Variants in SH3TC2 observed in about 807,000 individuals in gnomAD.
The protein encoded by SH3TC2 is SH3 domain and tetratricopeptide repeat-containing protein 2.
SH3TC2 carries 87 observed loss-of-function variants against 124.5 expected under a neutral mutation model. The ratio of observed to expected loss-of-function variants is 0.70; its 90% CI spans 0.59 to 0.84. The LOEUF is 0.84. SH3TC2 is among the 40% of genes least tolerant of loss of function. The probability of loss-of-function intolerance (pLI) is 0.00; values close to 1 mark genes in which losing one functional copy is unlikely to be tolerated. For synonymous variants in SH3TC2, 634 were observed against 628.5 expected (o/e 1.01, Z -0.13); for missense variants, 1,536 against 1,566.4 (o/e 0.98, Z 0.33).
In SH3TC2 at chr5:149,003,008, G is replaced by C. The variant is rs1411023933; in HGVS notation, c.*1703C>G. The C allele has an allele frequency of 6.5e-6, 1 of 152,788 alleles. No homozygotes were observed. Among genetic ancestry groups the C allele is most frequent in the Non-Finnish European group, 1.5e-5 (1 of 68,042 alleles). 9.5% of individuals were successfully genotyped at this position (152,788 alleles called of 1,614,324 possible). On this transcript the variant is annotated 3_prime_UTR_variant, in exon 17 of 17. Transcript: ENST00000515425. ...AGATTCTGATTCAGAGATCATAGGT[G>C]GGGCCACAGATTTTCATTTCAAACA...
rs577017807 is a variant in SH3TC2, at chr5:148,995,888, G to T, written c.*8823C>A. On this transcript the variant is annotated 3_prime_UTR_variant, in exon 17 of 17. Coordinates refer to ENST00000515425, the MANE Select transcript of SH3TC2 (RefSeq NM_024577.4). ...CTATGATAAGTGCTTTGAAGGAAAA[G>T]TACAGGGACAAATGAGCACAAGCAA... is the stretch of plus-strand genomic sequence containing the variant. Among the ~76,000 whole-genome samples, 3 of 152,056 alleles carry T rather than the reference G, an allele frequency of 2.0e-5. No homozygotes were observed. The highest frequency in any genetic ancestry group is 4.4e-5 in the Non-Finnish European group (3 of 68,000).
At chr5:149,039,883 C>A (rs1026270233) in intron 7 of SH3TC2, among the ~76,000 whole-genome samples, 1 of 142,452 alleles carries the variant, frequency 7.0e-6, no homozygotes, top group Admixed American at 6.8e-5. Context: ...TTCCATAATC[C>A]TATTTCTTTT....
chr5:149,021,240 A>C (rs1462564995), intron 12 of SH3TC2, among the ~76,000 whole-genome samples: 1 of 152,172 alleles, frequency 6.6e-6, no homozygotes, highest in Non-Finnish European at 1.5e-5. Flanking sequence ...GAGATGAATG[A>C]AAATAAACAC....
chr5:149,058,705 A>G (rs933711792), intron 1 of SH3TC2, among the ~76,000 whole-genome samples: 5 of 152,040 alleles, frequency 3.3e-5, no homozygotes, highest in African/African-American at 1.2e-4. Flanking sequence ...GGGATGCTAG[A>G]AGCCAGCCTG....
In SH3TC2 at chr5:149,000,488, C is replaced by T. The variant is rs1356514225; in HGVS notation, c.*4223G>A. Among the ~76,000 whole-genome samples the T allele has an allele frequency of 6.6e-6, 1 of 152,156 alleles. No homozygotes were observed. On this transcript the variant is annotated 3_prime_UTR_variant, in exon 17 of 17. Transcript: ENST00000515425. ...TTTTCATTGTATTTGCCATTATTTA[C>T]ATAATTCTGTTTATGGAAAACAATA...
chr5:149,008,745 G>A lies in SH3TC2; in HGVS notation c.3478+106C>T, dbSNP rs1753732946. ...TCTCTGACAGTTGGACCTGGGATTT[G>A]AACCCACACAGTCTGACTCCAGGGC... On this transcript the variant is annotated intron_variant, in intron 15 of 16. Coordinates refer to ENST00000515425, the MANE Select transcript of SH3TC2 (RefSeq NM_024577.4). The A allele has an allele frequency of 5.3e-6, 8 of 1,513,384 alleles. No individual in the cohort carries two copies. The South Asian group carries it at 7.9e-5, about 15-fold the overall frequency. The allele number at this position is 1,513,384 out of a possible 1,614,324, so 93.7% of individuals were successfully genotyped here.
At position 148,991,186 on chromosome 5, in the gene SH3TC2, T is replaced by C. The variant is rs1443587499; in HGVS notation, c.*13525A>G. Among the ~76,000 whole-genome samples, 12 of 152,194 alleles carry C rather than the reference T, an allele frequency of 7.9e-5. No homozygotes were observed. The highest frequency in any genetic ancestry group is 2.9e-4 in the African/African-American group (12 of 41,444). The stretch of plus-strand genomic sequence containing the variant: ...CACATGGGGTAGAAATTAACATATG[T>C]AGAGGACTTTTTCTTCTCTATACAA... On this transcript the variant is annotated 3_prime_UTR_variant, in exon 17 of 17. Coordinates refer to ENST00000515425, the MANE Select transcript of SH3TC2 (RefSeq NM_024577.4).
chr5:149,049,239 C>T (rs1027466116), intron 2 of SH3TC2, among the ~76,000 whole-genome samples: 1 of 152,198 alleles, frequency 6.6e-6, no homozygotes, highest in South Asian at 2.1e-4. Context: ...ACCCCTTTCA[C>T]TTCAGCACCC....
chr5:149,033,069 T>A (rs1012074343), intron 8 of SH3TC2, among the ~76,000 whole-genome samples: 3 of 152,248 alleles, frequency 2.0e-5, no homozygotes, highest in Non-Finnish European at 4.4e-5. Context: ...CAGGTTTTTT[T>A]AATCCATGTT....
At chr5:149,062,935 C>A in intron 1 of SH3TC2, 36 bp downstream of exon 1, 2 of 1,563,528 alleles carry the variant, frequency 1.3e-6, no homozygotes, top group Non-Finnish European at 8.7e-7. Flanking sequence ...TCCACTTTGG[C>A]CAAGCCACAG....
Position 148,988,887 on chromosome 5 carries a change from C to T in SH3TC2, c.*15824G>A, listed in dbSNP as rs530880070. ...CATAACTTTAATGTTTAAGGGTTAT[C>T]ACTTTGCTTTCTTCTTTGGATTTGA... On this transcript the variant is annotated 3_prime_UTR_variant, in exon 17 of 17. Coordinates refer to ENST00000515425, the MANE Select transcript of SH3TC2 (RefSeq NM_024577.4). Among the ~76,000 whole-genome samples the T allele has an allele frequency of 1.1e-4, 16 of 152,288 alleles. No individual in the cohort carries two copies. Among genetic ancestry groups the T allele is most frequent in the African/African-American group, 2.9e-4 (12 of 41,560 alleles).
intron 12 of SH3TC2, among the ~76,000 whole-genome samples, chr5:149,022,608 T>C (rs977255240): frequency 2.6e-5 from 4 of 152,208 alleles, no homozygotes; most frequent in Admixed American, 1.3e-4. Flanking sequence ...AGCAGCATTA[T>C]TCATAATAGC....
chr5:149,012,514 T>A, intron 13 of SH3TC2, 70 bp downstream of exon 13: 2 of 1,592,430 alleles, frequency 1.3e-6, no homozygotes, highest in Non-Finnish European at 1.7e-6. Context: ...CCTGGTTGAT[T>A]TGGAGGGTAC....
chr5:149,052,204 C>T lies in SH3TC2; in HGVS notation c.89G>A (p.Ser30Asn), dbSNP rs765890403. 8.7e-6 allele frequency: 14 copies of T among 1,613,538 alleles called. No homozygotes were observed. The Middle Eastern group carries it at 8.2e-4, about 95-fold the overall frequency. The change falls in exon 2 of 17, where the codon AGT (serine) becomes AAT (asparagine). Residue 30 changes from serine to asparagine, a missense_variant. Ser to Asn is a conservative substitution (Grantham distance 46, BLOSUM62 1). Transcript: ENST00000515425. ...ETPSKDPTVS[S>N]ECIASSEYKE... ...GTATTCAGATGAGGCTATACACTCA[C>T]TCGATACAGTTGGATCCTTGGAAGG...
rs794727104 is a variant in SH3TC2 at position 149,012,691 on chromosome 5, T to C, written c.3097A>G (p.Ile1033Val). The change falls in exon 13 of 17, where the codon ATC becomes GTC. Residue 1033 changes from isoleucine to valine, a missense_variant. Physicochemically the swap from Ile to Val is conservative, Grantham distance 29 (BLOSUM62 3). Around this residue, in one of 3 missense-constraint regions of SH3TC2, gnomAD observed 426 missense variants for 443.5 expected, o/e 0.96. Coordinates refer to ENST00000515425, the MANE Select transcript of SH3TC2 (RefSeq NM_024577.4). Reference sequence around the variant, plus strand: ...TCTGTCTCCCCCAGGTCAATGAAGATACGCAGGCTCTCCTTGATGCATGTG... The same window carrying C: ...TCTGTCTCCCCCAGGTCAATGAAGACACGCAGGCTCTCCTTGATGCATGTG... ...SLTCIKESLR[I>V]FIDLGETDKA... is the part of the protein sequence containing the mutation. 2 of 1,613,984 alleles carry C rather than the reference T, an allele frequency of 1.2e-6. No individual in the cohort carries two copies. Among genetic ancestry groups the C allele is most frequent in the Middle Eastern group, 1.6e-4 (1 of 6,082 alleles).
At chr5:149,053,373 G>A (rs1181629345) in intron 1 of SH3TC2, among the ~76,000 whole-genome samples, 11 of 152,202 alleles carry the variant, frequency 7.2e-5, no homozygotes, top group South Asian at 2.1e-4. Flanking sequence ...CCATTTATTC[G>A]CAGTGGGAGC....
intron 1 of SH3TC2, among the ~76,000 whole-genome samples, chr5:149,060,823 T>C (rs1480105610): frequency 6.6e-6 from 1 of 152,184 alleles, no homozygotes; most frequent in African/African-American, 2.4e-5. Context: ...AAAAGTTCCA[T>C]GGGATAAGTA....
At chr5:149,049,164 T>C (rs1160315755) in intron 2 of SH3TC2, among the ~76,000 whole-genome samples, 2 of 152,238 alleles carry the variant, frequency 1.3e-5, no homozygotes, top group East Asian at 1.9e-4. Flanking sequence ...CTGACTTTGA[T>C]GTAAACTTCA....
chr5:149,020,419 A>G lies in SH3TC2; in HGVS notation c.3053+6153T>C, dbSNP rs189698365. Among the ~76,000 whole-genome samples the G allele has an allele frequency of 2.2e-4, 33 of 152,338 alleles. 1 individual carries two copies. In the East Asian group the frequency reaches 5.4e-3, roughly 25 times the overall value. On this transcript the variant is annotated intron_variant, in intron 12 of 16. Coordinates refer to ENST00000515425, the MANE Select transcript of SH3TC2 (RefSeq NM_024577.4). ...AATGCAGTAATGGAGAAATAGAAAA[A>G]CAAAAAGATATAAGCTATTAATACA...
Sources: gnomAD v4.1 joint callset for allele counts (sites outside exome capture counted in the v4.1 genomes callset) on GRCh38, gnomAD v4.1.1 for gene constraint, gnomAD v4.1.1 regional missense constraint, MANE v1.5 for transcripts, NCBI Gene and HGNC (gene_info 2026-07-23, HGNC 2026-07-21) for gene names.